The following DIS3L2 variants were observed in gnomAD, a reference collection of about 807,000 sequenced individuals.
The protein encoded by DIS3L2 is DIS3-like exonuclease 2.
Under a neutral mutation model 97.5 loss-of-function variants are expected in DIS3L2, and 34 were observed. The ratio of observed to expected loss-of-function variants is 0.35; its 90% CI spans 0.27 to 0.46. The LOEUF is 0.46. DIS3L2 is among the 20% of genes least tolerant of loss of function. DIS3L2 has a pLI of 1.00. For missense variants in DIS3L2, 1,038 were observed against 1,146.0 expected (o/e 0.91, Z 1.36); for synonymous variants, 435 against 445.2 (o/e 0.98, Z 0.29).
chr2:232,263,132 A>G (rs1693757467), intron 12 of DIS3L2, 75 bp from the exon 13 acceptor site: 2 of 1,460,270 alleles, frequency 1.4e-6, no homozygotes, highest in Non-Finnish European at 9.5e-7. Flanking sequence ...ATGTGTATGG[A>G]TGAATGGCTG....
chr2:232,119,363 A>G lies in DIS3L2; in HGVS notation c.602-11256A>G, dbSNP rs555360460. On this transcript the variant is annotated intron_variant, in intron 6 of 20. Coordinates refer to ENST00000325385, the MANE Select transcript of DIS3L2 (RefSeq NM_152383.5). Reference sequence around the variant, plus strand: ...CACCTGTCGGACTTTAGTAAACACCATATTTCTAGTGTTGACATGATCACA... The same window carrying G: ...CACCTGTCGGACTTTAGTAAACACCGTATTTCTAGTGTTGACATGATCACA... Among the ~76,000 whole-genome samples the G allele has an allele frequency of 3.9e-5, 6 of 152,342 alleles. No individual in the cohort carries two copies. In the South Asian group the frequency reaches 8.3e-4, roughly 21 times the overall value.
rs150218923 is a variant in DIS3L2 at position 232,293,255 on chromosome 2, T to A, written c.1660-6785T>A. ...CCACAGCTGGTCATCTGGTGGCAATTACTGAGCAGGAGGCAGACGTGAGGC... is the reference window on the plus strand; with the variant it reads ...CCACAGCTGGTCATCTGGTGGCAATAACTGAGCAGGAGGCAGACGTGAGGC... On this transcript the variant is annotated intron_variant, in intron 13 of 20. Transcript: ENST00000325385. This position sits in a 1 kb window ranked among gnomAD's most constrained non-coding sequence, Gnocchi z 4.6. 0.01 allele frequency among the ~76,000 whole-genome samples: 1,589 copies of A among 152,178 alleles called. 26 individuals carry two copies. The highest frequency in any genetic ancestry group is 0.036 in the African/African-American group (1,489 of 41,504).
chr2:232,079,457 G>A (rs755584030), intron 5 of DIS3L2, among the ~76,000 whole-genome samples: 1 of 151,694 alleles, frequency 6.6e-6, no homozygotes, highest in African/African-American at 2.4e-5. Context: ...TTAGCTGGGC[G>A]TGGTGGCTGG....
chr2:232,035,621 T>C (rs906303374), intron 5 of DIS3L2, among the ~76,000 whole-genome samples: 3 of 152,230 alleles, frequency 2.0e-5, no homozygotes, highest in Non-Finnish European at 4.4e-5. Flanking sequence ...TGGTTTGTTT[T>C]TTTGCAGTGG....
At chr2:232,157,393 C>T (rs1004451669) in intron 8 of DIS3L2, among the ~76,000 whole-genome samples, 1 of 152,204 alleles carries the variant, frequency 6.6e-6, no homozygotes, top group Non-Finnish European at 1.5e-5. Context: ...TCCCCCCTCA[C>T]AACTGATGCC....
chr2:232,077,562 C>G (rs1696230505), intron 5 of DIS3L2, among the ~76,000 whole-genome samples: 1 of 152,136 alleles, frequency 6.6e-6, no homozygotes, highest in Admixed American at 6.5e-5. Flanking sequence ...TTATGTGATG[C>G]CCATCCCACC....
chr2:232,186,685 G>T (rs1403765832), intron 9 of DIS3L2, among the ~76,000 whole-genome samples: 1 of 152,078 alleles, frequency 6.6e-6, no homozygotes, highest in African/African-American at 2.4e-5. Flanking sequence ...TGTATAAAAA[G>T]AATTCTATTG....
At chr2:232,074,645 C>T (rs1416721405) in intron 5 of DIS3L2, among the ~76,000 whole-genome samples, 1 of 140,826 alleles carries the variant, frequency 7.1e-6, no homozygotes, top group Admixed American at 7.5e-5. Flanking sequence ...TGAGCAGTGA[C>T]ACAATCACAG....
chr2:232,249,163 C>T lies in DIS3L2; in HGVS notation c.1318-76C>T, dbSNP rs892537579. 4.2e-6 allele frequency: 6 copies of T among 1,424,084 alleles called. No individual in the cohort carries two copies. The African/African-American group carries it at 5.6e-5, about 13-fold the overall frequency. 88.2% of individuals were successfully genotyped at this position (1,424,084 alleles called of 1,614,324 possible). A position where few individuals can be genotyped will look rare whatever the true frequency, so the allele number is the denominator to read the frequency against. ...TTGCTCTGGAAAAGCTGAAGCTGTT[C>T]ACCAAAACTCTGCCCACTGGGCTTC... On this transcript the variant is annotated intron_variant, in intron 11 of 20. Coordinates refer to ENST00000325385, the MANE Select transcript of DIS3L2 (RefSeq NM_152383.5).
intron 13 of DIS3L2, among the ~76,000 whole-genome samples, chr2:232,296,288 A>G (rs757628719): frequency 6.6e-6 from 1 of 152,262 alleles, no homozygotes; most frequent in Non-Finnish European, 1.5e-5. Context: ...TGAAAGGAGC[A>G]TGGATTTTGG....
rs1309440369 is a variant in DIS3L2 at position 232,325,628 on chromosome 2, G to C, written c.1740-4185G>C. Among the ~76,000 whole-genome samples the C allele has an allele frequency of 2.0e-5, 3 of 152,224 alleles. No individual in the cohort carries two copies. Among genetic ancestry groups the C allele is most frequent in the African/African-American group, 7.2e-5 (3 of 41,474 alleles). ...CACCCCAGACCTCCAGAGTGGTGGG[G>C]CCCTGGTGGTGCAGGTTCCAGACGC... On this transcript the variant is annotated intron_variant, in intron 14 of 20. Transcript: ENST00000325385. This position sits in a 1 kb window ranked among gnomAD's most constrained non-coding sequence, Gnocchi z 4.6.
intron 1 of DIS3L2, among the ~76,000 whole-genome samples, chr2:232,004,222 G>A (rs955243353): frequency 3.3e-5 from 5 of 151,956 alleles, no homozygotes; most frequent in Admixed American, 6.6e-5. Context: ...ACAGGCATGC[G>A]CCACCACATC....
At chr2:232,309,893 G>C (rs1173446854) in intron 14 of DIS3L2, among the ~76,000 whole-genome samples, 1 of 152,194 alleles carries the variant, frequency 6.6e-6, no homozygotes, top group Non-Finnish European at 1.5e-5. Context: ...TTGAGGAGGG[G>C]ACAGAGCAGG....
At chr2:232,098,738 G>T (rs1197322179) in intron 6 of DIS3L2, among the ~76,000 whole-genome samples, 3 of 152,104 alleles carry the variant, frequency 2.0e-5, no homozygotes, top group African/African-American at 7.2e-5. Context: ...CAGGGTGACT[G>T]TTCTCTTGTT....
chr2:232,249,251 C>T lies in DIS3L2; in HGVS notation c.1330C>T (p.Leu444Phe), dbSNP rs998116230. 3 of 1,613,962 alleles carry T rather than the reference C, an allele frequency of 1.9e-6. No individual in the cohort carries two copies. The highest frequency in any genetic ancestry group is 2.5e-6 in the Non-Finnish European group (3 of 1,180,002). ...GCTCTATTTACAGGTGGTCCCCATGCTTCCCAGGCTGCTGTGTGAGGAGCT... is the reference window on the plus strand; with the variant it reads ...GCTCTATTTACAGGTGGTCCCCATGTTTCCCAGGCTGCTGTGTGAGGAGCT... ...VYLVQKVVPM[L>F]PRLLCEELCS... is the part of the protein sequence containing the mutation. Residue 444 changes from leucine (L) to phenylalanine (F), a missense_variant, in exon 12 of 21, where the codon CTT (leucine) becomes TTT (phenylalanine). Leu to Phe is a conservative substitution (Grantham distance 22). Around this residue, in one of 3 missense-constraint regions of DIS3L2, gnomAD observed 813 missense variants for 880.1 expected, o/e 0.92. Coordinates refer to ENST00000325385, the MANE Select transcript of DIS3L2 (RefSeq NM_152383.5).
intron 9 of DIS3L2, among the ~76,000 whole-genome samples, chr2:232,190,564 TGAGAGAGAGAGAAAGAA>T: frequency 6.9e-6 from 1 of 144,696 alleles, no homozygotes; most frequent in Admixed American, 7.0e-5. Flanking sequence ...GGAGATGAGA[TGAGAGAGAGAGAAAGAA>T]GAGAGAGAGA....
At chr2:232,263,547 T>G in intron 13 of DIS3L2, 107 bp downstream of exon 13, 1 of 1,078,370 alleles carries the variant, frequency 9.3e-7, no homozygotes. Flanking sequence ...TTCTCTTTGC[T>G]CCAGGCACCA....
chr2:232,023,611 C>T (rs1694577998), intron 3 of DIS3L2, among the ~76,000 whole-genome samples: 1 of 152,140 alleles, frequency 6.6e-6, no homozygotes, highest in African/African-American at 2.4e-5. Flanking sequence ...CCACCTGCAC[C>T]CCTGTGTGTA....
At chr2:232,011,736 G>C (rs967673250) in intron 1 of DIS3L2, among the ~76,000 whole-genome samples, 1 of 152,080 alleles carries the variant, frequency 6.6e-6, no homozygotes, top group African/African-American at 2.4e-5. Context: ...TGCTACCTCT[G>C]CCTCCTGGGT....
Sources: gnomAD v4.1 joint callset for allele counts (sites outside exome capture counted in the v4.1 genomes callset) on GRCh38, gnomAD v4.1.1 for gene constraint, gnomAD v4.1.1 regional missense constraint, Gnocchi (gnomAD v3.1) non-coding constraint, MANE v1.5 for transcripts, NCBI Gene and HGNC (gene_info 2026-07-23, HGNC 2026-07-21) for gene names.